The following TNFRSF11B variants were observed in gnomAD, a reference collection of about 807,000 sequenced individuals.
The protein encoded by TNFRSF11B is TNF receptor superfamily member 11b.
Under a neutral mutation model 43.4 loss-of-function variants are expected in TNFRSF11B, and 16 were observed. That is an observed-to-expected ratio of 0.37 (90% CI 0.25 to 0.56). The LOEUF (loss-of-function observed/expected upper bound fraction) is 0.56. Ranked by LOEUF, TNFRSF11B falls within the 20% of genes least tolerant of loss-of-function variation. TNFRSF11B has a pLI of 0.80. For synonymous variants in TNFRSF11B, 185 were observed against 181.8 expected, an observed-to-expected ratio of 1.02 and a Z score of -0.14; for missense variants, 444 against 490.1, an observed-to-expected ratio of 0.91 and a Z score of 0.89.
At chr8:118,932,259 T>C (rs1411088345) in intron 2 of TNFRSF11B, among the ~76,000 whole-genome samples, 2 of 152,188 alleles carry the variant, frequency 1.3e-5, no homozygotes, top group Non-Finnish European at 2.9e-5. Context: ...CCCTGACCAA[T>C]GCTGTTCAAA....
At chr8:118,947,024 G>A (rs1430706031) in intron 1 of TNFRSF11B, among the ~76,000 whole-genome samples, 1 of 152,150 alleles carries the variant, frequency 6.6e-6, no homozygotes, top group African/African-American at 2.4e-5. Context: ...GGCTTAGATT[G>A]CACTCCAAAT....
At chr8:118,925,763 T>C (rs1812237808) in intron 4 of TNFRSF11B, among the ~76,000 whole-genome samples, 1 of 152,200 alleles carries the variant, frequency 6.6e-6, no homozygotes, top group South Asian at 2.1e-4. Context: ...CTTACTGAAG[T>C]CAGAACTCTT....
At chr8:118,926,416 C>A in intron 4 of TNFRSF11B, 78 bp downstream of exon 4, 2 of 1,280,462 alleles carry the variant, frequency 1.6e-6, no homozygotes, top group Non-Finnish European at 2.3e-6. Flanking sequence ...ACTAAACATA[C>A]ATGCAGTCTT....
chr8:118,925,226 G>A (rs556779159), intron 4 of TNFRSF11B, among the ~76,000 whole-genome samples: 10 of 152,180 alleles, frequency 6.6e-5, no homozygotes, highest in African/African-American at 2.4e-4. Context: ...ACCTCCATGA[G>A]GAGGATATCT....
chr8:118,951,452 G>C (rs1020741443), intron 1 of TNFRSF11B, among the ~76,000 whole-genome samples: 8 of 152,100 alleles, frequency 5.3e-5, no homozygotes, highest in African/African-American at 1.9e-4. Context: ...AGATAGTATG[G>C]ACTACATGAG....
rs1179075828 is a variant in TNFRSF11B at position 118,924,461 on chromosome 8, G to A, written c.1119C>T (p.His373=). Residue 373 remains histidine (H), a synonymous_variant, in exon 5 of 5, where the codon CAC becomes CAT. Coordinates refer to ENST00000297350, the MANE Select transcript of TNFRSF11B (RefSeq NM_002546.4). The stretch of plus-strand genomic sequence containing the variant: ...GATACAATTTGTACATTGTGAAGCT[G>A]TGAAGGAACCTGATGGTCTTCTTTA... ...QSLKKTIRFL[H]SFTMYKLYQK... 1.2e-6 allele frequency: 2 copies of A among 1,614,130 alleles called. No homozygotes were observed. The highest frequency in any genetic ancestry group is 3.3e-5 in the Admixed American group (2 of 60,022).
At chr8:118,932,176 G>C (rs1425092743) in intron 2 of TNFRSF11B, among the ~76,000 whole-genome samples, 1 of 152,190 alleles carries the variant, frequency 6.6e-6, no homozygotes, top group Non-Finnish European at 1.5e-5. Context: ...AAAGTTATAG[G>C]CTGCACTGAA....
chr8:118,926,553 AGCTGGAAAGTCT>A lies in TNFRSF11B; in HGVS notation c.746_757del (p.Gln249_Gln252del). On this transcript the variant is annotated inframe_deletion, in exon 4 of 5. Coordinates refer to ENST00000297350, the MANE Select transcript of TNFRSF11B (RefSeq NM_002546.4). ...GTTTTGATGTTTCCATAACTTCAGC[AGCTGGAAAGTCT>A]GTTCTTGTGAGCTGTGTTGCCGTTT... is the stretch of plus-strand genomic sequence containing the variant. The A allele has an allele frequency of 6.2e-7, 1 of 1,614,140 alleles. No individual in the cohort carries two copies. Among genetic ancestry groups the A allele is most frequent in the Non-Finnish European group, 8.5e-7 (1 of 1,180,002 alleles).
intron 1 of TNFRSF11B, among the ~76,000 whole-genome samples, chr8:118,933,842 C>A (rs1026440099): frequency 1.3e-5 from 2 of 152,150 alleles, no homozygotes; most frequent in African/African-American, 4.8e-5. Flanking sequence ...ATTCATTTGA[C>A]AAATAATTAA....
At chr8:118,943,560 C>G (rs1812517844) in intron 1 of TNFRSF11B, among the ~76,000 whole-genome samples, 1 of 152,022 alleles carries the variant, frequency 6.6e-6, no homozygotes, top group Non-Finnish European at 1.5e-5. Context: ...AGCTGGGTAA[C>G]ATTAGGGAAA....
intron 1 of TNFRSF11B, among the ~76,000 whole-genome samples, chr8:118,945,648 G>C (rs1586960535): frequency 1.3e-5 from 2 of 152,036 alleles, no homozygotes; most frequent in Middle Eastern, 6.8e-3. Flanking sequence ...GCAAATTGAT[G>C]GTCAGGAGAA....
intron 1 of TNFRSF11B, among the ~76,000 whole-genome samples, chr8:118,939,373 C>A (rs1184452003): frequency 6.6e-6 from 1 of 152,110 alleles, no homozygotes; most frequent in Admixed American, 6.6e-5. Flanking sequence ...TCCAAAAACC[C>A]ATTCTGATTT....
chr8:118,940,974 TATTG>T lies in TNFRSF11B; in HGVS notation c.31-7678_31-7675del, dbSNP rs551987785. On this transcript the variant is annotated intron_variant, in intron 1 of 4. Coordinates refer to ENST00000297350, the MANE Select transcript of TNFRSF11B (RefSeq NM_002546.4). ...ATATCTTTTTTCAAATCATTAGACATATTGATTATCTACTGTGTATCATTAGGAT... is the reference window on the plus strand; with the variant it reads ...ATATCTTTTTTCAAATCATTAGACATATTATCTACTGTGTATCATTAGGAT... 5.3e-4 allele frequency among the ~76,000 whole-genome samples: 81 copies of T among 152,310 alleles called. 2 individuals carry two copies. The highest frequency in any genetic ancestry group is 4.1e-3 in the South Asian group (20 of 4,828).
At chr8:118,946,865 T>A (rs1376569196) in intron 1 of TNFRSF11B, among the ~76,000 whole-genome samples, 1 of 152,154 alleles carries the variant, frequency 6.6e-6, no homozygotes, top group South Asian at 2.1e-4. Flanking sequence ...TACAAACACA[T>A]AAAATTTATC....
chr8:118,930,706 C>A, intron 2 of TNFRSF11B: 1 of 445,352 alleles, frequency 2.2e-6, no homozygotes, highest in Non-Finnish European at 4.5e-6. Context: ...GCCACCGTGC[C>A]GGGCCTAAGA....
chr8:118,924,882 C>A (rs1812227736), intron 4 of TNFRSF11B, 120 bp from the exon 5 acceptor site: 4 of 1,291,982 alleles, frequency 3.1e-6, no homozygotes, highest in Non-Finnish European at 4.3e-6. Flanking sequence ...TCAATGATAA[C>A]CTTTTCTTTT....
In TNFRSF11B at chr8:118,924,605, G is replaced by T. The variant is rs922230170; in HGVS notation, c.975C>A (p.Ile325=). The stretch of plus-strand genomic sequence containing the variant: ...TTCGCCACAAACTGAGCAGCTTCAG[G>T]ATCTGGTCACTGGGTTTGCATGCCT... The part of the protein sequence containing the change: ...TIKACKPSDQ[I]LKLLSLWRIK... The change falls in exon 5 of 5, where the codon ATC becomes ATA. Residue 325 remains isoleucine (I), a synonymous_variant. Transcript: ENST00000297350. 35 of 1,614,012 alleles carry T rather than the reference G, an allele frequency of 2.2e-5. No individual in the cohort carries two copies. Among genetic ancestry groups the T allele is most frequent in the Non-Finnish European group, 2.9e-5 (34 of 1,180,034 alleles).
chr8:118,933,820 A>T (rs1387235940), intron 1 of TNFRSF11B, among the ~76,000 whole-genome samples: 1 of 152,210 alleles, frequency 6.6e-6, no homozygotes, highest in Non-Finnish European at 1.5e-5. Flanking sequence ...CTAAATAATC[A>T]TCTCTTAATT....
intron 3 of TNFRSF11B, 45 bp from the exon 4 acceptor site, chr8:118,926,763 A>G (rs1812251330): frequency 2.0e-6 from 3 of 1,538,148 alleles, no homozygotes; most frequent in East Asian, 4.6e-5. Context: ...CAACAATTGG[A>G]TTTCTGAGAG....
Sources: allele counts gnomAD v4.1 joint callset (sites outside exome capture counted in the v4.1 genomes callset), GRCh38; gene constraint gnomAD v4.1.1; transcripts MANE v1.5; gene names NCBI Gene and HGNC (gene_info 2026-07-23, HGNC 2026-07-21).